Variants in EFCAB6 observed in about 807,000 individuals in gnomAD.
The protein encoded by EFCAB6 is EF-hand calcium binding domain 6, also known as EF-hand calcium-binding domain-containing protein 6.
Under a neutral mutation model 169.8 loss-of-function variants are expected in EFCAB6, and 156 were observed. The observed-to-expected ratio is 0.92, with a 90% CI of 0.81 to 1.05. The LOEUF is 1.05. EFCAB6 is among the 50% of genes least tolerant of loss of function. The probability of loss-of-function intolerance (pLI) is 0.00; values close to 1 mark genes in which losing one functional copy is unlikely to be tolerated. For synonymous variants in EFCAB6, 698 were observed against 676.4 expected, an observed-to-expected ratio of 1.03 and a Z score of -0.50; for missense variants, 1,800 against 1,829.1, an observed-to-expected ratio of 0.98 and a Z score of 0.29.
intron 2 of EFCAB6, among the ~76,000 whole-genome samples, chr22:43,805,526 T>C (rs1254359747): frequency 6.6e-6 from 1 of 152,152 alleles, no homozygotes; most frequent in African/African-American, 2.4e-5. Flanking sequence ...TAGAGTAAAC[T>C]GGTGGTTAGC....
At chr22:43,609,318 A>G (rs906586541) in intron 21 of EFCAB6, among the ~76,000 whole-genome samples, 1 of 152,196 alleles carries the variant, frequency 6.6e-6, no homozygotes, top group Non-Finnish European at 1.5e-5. Context: ...GCGGGGTCTC[A>G]GCCCGTTTAA....
intron 16 of EFCAB6, among the ~76,000 whole-genome samples, 197 bp from the exon 17 acceptor site, chr22:43,667,469 G>A (rs1367279294): frequency 6.6e-6 from 1 of 152,090 alleles, no homozygotes; most frequent in African/African-American, 2.4e-5. Context: ...AGAACTGGAG[G>A]TCCCCAGCAC....
intron 11 of EFCAB6, among the ~76,000 whole-genome samples, chr22:43,685,301 C>T (rs1430380540): frequency 6.6e-6 from 1 of 151,564 alleles, no homozygotes; most frequent in African/African-American, 2.4e-5. Flanking sequence ...CCTGCGAGGG[C>T]GTTTCTGGAG....
chr22:43,654,467 C>A (rs1015235336), intron 17 of EFCAB6, among the ~76,000 whole-genome samples: 2 of 152,226 alleles, frequency 1.3e-5, no homozygotes, highest in African/African-American at 4.8e-5. Context: ...ATATTAATAG[C>A]AGGTGCCCTT....
At chr22:43,663,755 G>A (rs183397213) in intron 17 of EFCAB6, among the ~76,000 whole-genome samples, 128 of 152,300 alleles carry the variant, frequency 8.4e-4, no homozygotes, top group African/African-American at 2.9e-3. Flanking sequence ...ATTAGAGCCC[G>A]TATAAAAGAG....
At chr22:43,652,088 G>T (rs575537561) in intron 17 of EFCAB6, among the ~76,000 whole-genome samples, 1 of 152,320 alleles carries the variant, frequency 6.6e-6, no homozygotes, top group East Asian at 1.9e-4. Flanking sequence ...TTTGAAATGT[G>T]AGAACATGAG....
chr22:43,576,471 A>T lies in EFCAB6; in HGVS notation c.3246T>A (p.Asp1082Glu), dbSNP rs2050264185. Residue 1082 changes from aspartate (D) to glutamate (E), a missense_variant, in exon 26 of 32, where the codon GAT becomes GAA. Asp to Glu is a conservative substitution (Grantham distance 45). Coordinates refer to ENST00000262726, the MANE Select transcript of EFCAB6 (RefSeq NM_022785.4). ...LALSTAFSALDKEDTGFVKAT... is the reference protein window; with the variant it reads ...LALSTAFSALEKEDTGFVKAT... ...CCTTTACAAATCCTGTATCCTCTTT[A>T]TCCAATGCAGAAAATGCCTAAAAAG... The T allele has an allele frequency of 3.2e-6, 5 of 1,545,678 alleles. No individual in the cohort carries two copies. The East Asian group carries it at 1.2e-4, about 37-fold the overall frequency.
intron 27 of EFCAB6, chr22:43,540,623 T>A: frequency 6.3e-6 from 8 of 1,277,624 alleles, no homozygotes; most frequent in Non-Finnish European, 8.2e-6. Flanking sequence ...AGTGAGCACT[T>A]TAAGGCCATT....
intron 25 of EFCAB6, among the ~76,000 whole-genome samples, chr22:43,578,462 C>T (rs1602380607): frequency 6.6e-6 from 1 of 152,076 alleles, no homozygotes; most frequent in East Asian, 1.9e-4. Context: ...ATGATTCCGA[C>T]GCTGCCTTGT....
chr22:43,530,198 C>T (rs369460085), intron 31 of EFCAB6, among the ~76,000 whole-genome samples: 2 of 152,258 alleles, frequency 1.3e-5, no homozygotes, highest in Non-Finnish European at 2.9e-5. Context: ...AATAACAGAA[C>T]CTGCCCTACT....
Position 43,537,690 on chromosome 22 carries a change from G to A in EFCAB6, c.3880-145C>T, listed in dbSNP as rs2047462125. ...ATAAAATGAAGAATAAAACATAGAT[G>A]GTGATTTTACAATGTAGCTTTTATT... On this transcript the variant is annotated intron_variant, in intron 28 of 31. Coordinates refer to ENST00000262726, the MANE Select transcript of EFCAB6 (RefSeq NM_022785.4). This position sits in a 1 kb window ranked among gnomAD's most constrained non-coding sequence, Gnocchi z 4.3. The A allele has an allele frequency of 2.0e-6, 2 of 1,025,380 alleles. No individual in the cohort carries two copies. The highest frequency in any genetic ancestry group is 2.7e-6 in the Non-Finnish European group (2 of 732,940). The allele number at this position is 1,025,380 out of a possible 1,614,324, so 63.5% of individuals were successfully genotyped here. A position where few individuals can be genotyped will look rare whatever the true frequency, so the allele number is the denominator to read the frequency against.
intron 26 of EFCAB6, among the ~76,000 whole-genome samples, 167 bp downstream of exon 26, chr22:43,576,130 C>T (rs539248306): frequency 5.1e-4 from 77 of 152,112 alleles, no homozygotes; most frequent in African/African-American, 1.6e-3. Flanking sequence ...GCATATTCAC[C>T]TTCTAATACT....
intron 10 of EFCAB6, among the ~76,000 whole-genome samples, chr22:43,690,592 T>C (rs1037621482): frequency 2.2e-4 from 33 of 151,794 alleles, no homozygotes; most frequent in Admixed American, 2.1e-3. Context: ...CCACTGCTCT[T>C]AGGATAGAAA....
intron 6 of EFCAB6, among the ~76,000 whole-genome samples, chr22:43,736,606 T>C (rs1484415273): frequency 6.6e-6 from 1 of 151,780 alleles, no homozygotes; most frequent in Middle Eastern, 3.2e-3. Context: ...CCTGTGGATC[T>C]GCAGGGAGCA....
At chr22:43,698,873 TGA>T (rs1220733882) in intron 10 of EFCAB6, among the ~76,000 whole-genome samples, 1 of 152,224 alleles carries the variant, frequency 6.6e-6, no homozygotes, top group Non-Finnish European at 1.5e-5. Flanking sequence ...TACAATTATG[TGA>T]GTTTTAGCAG....
intron 27 of EFCAB6, 30 bp downstream of exon 27, chr22:43,554,839 G>T: frequency 6.3e-7 from 1 of 1,596,694 alleles, no homozygotes; most frequent in Middle Eastern, 1.7e-4. Context: ...CCAACGGTGT[G>T]CAGGGTGAGG....
chr22:43,564,960 A>G (rs1210984731), intron 26 of EFCAB6, among the ~76,000 whole-genome samples: 1 of 152,128 alleles, frequency 6.6e-6, no homozygotes, highest in Non-Finnish European at 1.5e-5. Context: ...GGGGTCTGTC[A>G]CCTCTATGGC....
chr22:43,734,247 G>A (rs1288363998), intron 7 of EFCAB6, among the ~76,000 whole-genome samples: 2 of 152,196 alleles, frequency 1.3e-5, no homozygotes, highest in Non-Finnish European at 2.9e-5. Flanking sequence ...AGTTAATACT[G>A]AAGCAGCTTC....
At chr22:43,761,224 T>C (rs560475320) in intron 5 of EFCAB6, among the ~76,000 whole-genome samples, 4 of 152,234 alleles carry the variant, frequency 2.6e-5, no homozygotes, top group Non-Finnish European at 5.9e-5. Context: ...TCAAGAACTA[T>C]GAGAAATAAA....
Sources: gnomAD v4.1 joint callset for allele counts (sites outside exome capture counted in the v4.1 genomes callset) on GRCh38, gnomAD v4.1.1 for gene constraint, Gnocchi (gnomAD v3.1) non-coding constraint, MANE v1.5 for transcripts, NCBI Gene and HGNC (gene_info 2026-07-23, HGNC 2026-07-21) for gene names.